Variants in TFEC observed in about 807,000 individuals in gnomAD.
TFEC encodes the protein class E basic helix-loop-helix protein 34.
A neutral mutation model predicts 41.6 loss-of-function variants in TFEC; 31 were observed. The ratio of observed to expected loss-of-function variants is 0.74; its 90% CI spans 0.56 to 1.01. The LOEUF is 1.01. Ranked by LOEUF, TFEC falls within the 50% of genes least tolerant of loss-of-function variation. The pLI is 0.00. For synonymous variants in TFEC, 143 were observed against 140.6 expected (o/e 1.02, Z -0.12); for missense variants, 402 against 404.1 (o/e 0.99, Z 0.04).
chr7:116,039,810 C>A (rs1040319060), intron 3 of TFEC, among the ~76,000 whole-genome samples: 1 of 151,784 alleles, frequency 6.6e-6, no homozygotes, highest in Non-Finnish European at 1.5e-5. Context: ...TTATTTTATT[C>A]TTTTAGAGGT....
intron 3 of TFEC, among the ~76,000 whole-genome samples, chr7:116,050,477 G>A (rs547085195): frequency 6.6e-6 from 1 of 152,294 alleles, no homozygotes; most frequent in East Asian, 1.9e-4. Context: ...CCATCAAAAA[G>A]TGGGTGAAGG....
chr7:115,992,075 T>A (rs1352967853), intron 1 of TFEC, among the ~76,000 whole-genome samples: 1 of 152,042 alleles, frequency 6.6e-6, no homozygotes, highest in Non-Finnish European at 1.5e-5. Flanking sequence ...CACAACTACA[T>A]GGAAACTGAA....
At chr7:116,055,993 T>C (rs1035896444) in intron 3 of TFEC, among the ~76,000 whole-genome samples, 11 of 152,062 alleles carry the variant, frequency 7.2e-5, no homozygotes, top group African/African-American at 2.4e-4. Context: ...GAAATCTCAC[T>C]AAAATCATTG....
chr7:115,953,848 A>G (rs1792076596), intron 5 of TFEC, among the ~76,000 whole-genome samples: 1 of 152,098 alleles, frequency 6.6e-6, no homozygotes, highest in Non-Finnish European at 1.5e-5. Flanking sequence ...AGCGATACAT[A>G]AGGAAATTAG....
intron 3 of TFEC, among the ~76,000 whole-genome samples, chr7:116,052,792 G>A (rs967778441): frequency 4.0e-5 from 6 of 151,642 alleles, no homozygotes; most frequent in African/African-American, 7.2e-5. Flanking sequence ...CATGGGGGCC[G>A]GGCGCAGTGG....
At chr7:115,993,323 T>C (rs1424733872) in intron 1 of TFEC, among the ~76,000 whole-genome samples, 2 of 152,068 alleles carry the variant, frequency 1.3e-5, no homozygotes, top group Non-Finnish European at 2.9e-5. Flanking sequence ...CTATCACCAC[T>C]CCTATTCAAC....
At chr7:116,143,644 T>C (rs143978678) in intron 1 of TFEC, among the ~76,000 whole-genome samples, 43 of 152,272 alleles carry the variant, frequency 2.8e-4, no homozygotes, top group Middle Eastern at 3.4e-3. Flanking sequence ...GTGTATATGA[T>C]TGATGCTTCT....
At chr7:116,052,058 G>C (rs993403813) in intron 3 of TFEC, among the ~76,000 whole-genome samples, 2 of 150,842 alleles carry the variant, frequency 1.3e-5, no homozygotes, top group African/African-American at 4.9e-5. Flanking sequence ...TTTTAACTTT[G>C]AGGTGCCTAC....
intron 1 of TFEC, among the ~76,000 whole-genome samples, chr7:115,989,233 T>C (rs1285205800): frequency 6.6e-6 from 1 of 152,164 alleles, no homozygotes; most frequent in Non-Finnish European, 1.5e-5. Flanking sequence ...TATTCTTCAT[T>C]GATCTACATT....
At position 115,935,319 on chromosome 7, in the gene TFEC, C is replaced by A. The variant is rs1364585387; in HGVS notation, c.*5232G>T. The A allele has an allele frequency of 6.6e-6, 1 of 151,996 alleles. No homozygotes were observed. Among genetic ancestry groups the A allele is most frequent in the African/African-American group, 2.4e-5 (1 of 41,390 alleles). The allele number at this position is 151,996 out of a possible 1,614,324, so 9.4% of individuals were successfully genotyped here. On this transcript the variant is annotated 3_prime_UTR_variant, in exon 8 of 8. Transcript: ENST00000265440. ...TAAAAATGAAAAATAGCAATAATTA[C>A]AAATTCTACAGTCTTATTAACAATG...
intron 1 of TFEC, among the ~76,000 whole-genome samples, chr7:116,142,311 G>C (rs570203827): frequency 6.6e-6 from 1 of 152,076 alleles, no homozygotes; most frequent in African/African-American, 2.4e-5. Context: ...AAAATATAAC[G>C]ATCATTCATA....
chr7:116,035,351 G>A (rs1030029639), upstream of TFEC, among the ~76,000 whole-genome samples: 2 of 151,954 alleles, frequency 1.3e-5, no homozygotes, highest in Admixed American at 6.6e-5. Flanking sequence ...CAGATCATAC[G>A]TGACCTCCTG....
chr7:116,119,127 T>G (rs1798054687), intron 1 of TFEC, among the ~76,000 whole-genome samples: 1 of 151,870 alleles, frequency 6.6e-6, no homozygotes, highest in Non-Finnish European at 1.5e-5. Context: ...GCTAAGCATT[T>G]TATTTTTTAT....
chr7:116,041,823 C>T (rs968812885), intron 3 of TFEC, among the ~76,000 whole-genome samples: 4 of 152,172 alleles, frequency 2.6e-5, no homozygotes, highest in African/African-American at 9.6e-5. Context: ...CGCACAGACG[C>T]ATGCACACAT....
At chr7:115,988,454 C>T (rs1309120125) in intron 1 of TFEC, among the ~76,000 whole-genome samples, 1 of 151,870 alleles carries the variant, frequency 6.6e-6, no homozygotes, top group Non-Finnish European at 1.5e-5. Context: ...TATTAATACA[C>T]TGAAGATGAC....
intron 2 of TFEC, among the ~76,000 whole-genome samples, chr7:115,978,316 G>C (rs909782316): frequency 6.6e-6 from 1 of 152,110 alleles, no homozygotes; most frequent in Admixed American, 6.5e-5. Context: ...TCATGAACAC[G>C]TATACACCTA....
At chr7:116,014,437 G>A (rs1054108299) in intron 1 of TFEC, among the ~76,000 whole-genome samples, 1 of 151,366 alleles carries the variant, frequency 6.6e-6, no homozygotes, top group Non-Finnish European at 1.5e-5. Flanking sequence ...ACTTCATAGA[G>A]GAGGACCCAA....
chr7:116,017,841 G>T (rs1280925290), intron 1 of TFEC, among the ~76,000 whole-genome samples: 2 of 151,916 alleles, frequency 1.3e-5, no homozygotes, highest in Non-Finnish European at 2.9e-5. Context: ...ATATATTTTT[G>T]TTTCTGAACT....
At chr7:116,101,806 G>A (rs903633947) in intron 3 of TFEC, among the ~76,000 whole-genome samples, 2 of 152,106 alleles carry the variant, frequency 1.3e-5, no homozygotes, top group African/African-American at 4.8e-5. Context: ...TGTCTGAAAT[G>A]GGATGCAAGT....
Sources: gnomAD v4.1 joint callset for allele counts (sites outside exome capture counted in the v4.1 genomes callset) on GRCh38, gnomAD v4.1.1 for gene constraint, MANE v1.5 for transcripts, NCBI Gene and HGNC (gene_info 2026-07-23, HGNC 2026-07-21) for gene names.